KCNIP4: variants seen among roughly 807,000 people sequenced by gnomAD.
The protein encoded by KCNIP4 is Kv channel-interacting protein 4.
In KCNIP4, 12 loss-of-function variants were observed where a neutral mutation model predicts 34.0. The observed-to-expected ratio is 0.35, with a 90% confidence interval of 0.23 to 0.57. The LOEUF (loss-of-function observed/expected upper bound fraction) is 0.57, where lower values mean the gene tolerates loss of function less well. Ranked by LOEUF, KCNIP4 falls within the 20% of genes least tolerant of loss-of-function variation. The pLI is 0.83. For synonymous variants in KCNIP4, 124 were observed against 102.2 expected (o/e 1.21, Z -1.29); for missense variants, 238 against 311.7 (o/e 0.76, Z 1.78).
chr4:21,179,964 T>C (rs10019695), intron 1 of KCNIP4, among the ~76,000 whole-genome samples: 20,972 of 152,114 alleles, frequency 0.14, 2,249 homozygotes, highest in African/African-American at 0.3. Flanking sequence ...TCATGGGTCA[T>C]GCACTGAGCA....
intron 1 of KCNIP4, among the ~76,000 whole-genome samples, chr4:21,304,295 A>T (rs1424038259): frequency 6.6e-6 from 1 of 152,196 alleles, no homozygotes; most frequent in Non-Finnish European, 1.5e-5. Flanking sequence ...ACTCTTGCAC[A>T]GAGAGACAGC....
intron 1 of KCNIP4, among the ~76,000 whole-genome samples, chr4:21,122,666 A>G (rs1750265110): frequency 6.6e-6 from 1 of 152,136 alleles, no homozygotes; most frequent in South Asian, 2.1e-4. Context: ...TAAACCTGGT[A>G]TTCAAACAAA....
At chr4:21,576,038 A>G (rs981951852) in intron 1 of KCNIP4, among the ~76,000 whole-genome samples, 1 of 152,186 alleles carries the variant, frequency 6.6e-6, no homozygotes, top group African/African-American at 2.4e-5. Context: ...AAAATAAACT[A>G]TTTGGTTAAA....
intron 1 of KCNIP4, among the ~76,000 whole-genome samples, chr4:21,044,870 T>G (rs2149784350): frequency 6.6e-6 from 1 of 152,234 alleles, no homozygotes; most frequent in East Asian, 1.9e-4. Flanking sequence ...AGCTAGAGAT[T>G]AGGTTGGGGG....
At chr4:20,993,224 T>C (rs986268490) in intron 1 of KCNIP4, among the ~76,000 whole-genome samples, 1 of 151,882 alleles carries the variant, frequency 6.6e-6, no homozygotes, top group African/African-American at 2.4e-5. Context: ...TGCAACAGGG[T>C]ATGAAGATGT....
intron 1 of KCNIP4, among the ~76,000 whole-genome samples, chr4:21,064,343 C>T (rs748997307): frequency 5.9e-5 from 9 of 151,396 alleles, no homozygotes; most frequent in Non-Finnish European, 1.0e-4. Flanking sequence ...AAAGGGAATG[C>T]TTTATGATTA....
chr4:21,887,923 A>G (rs1726874171), intron 1 of KCNIP4, among the ~76,000 whole-genome samples: 1 of 152,316 alleles, frequency 6.6e-6, no homozygotes, highest in East Asian at 1.9e-4. Context: ...ATGAGGAAAA[A>G]GAAACTTCTG....
intron 1 of KCNIP4, among the ~76,000 whole-genome samples, chr4:21,751,448 G>T (rs1298666713): frequency 6.6e-6 from 1 of 152,080 alleles, no homozygotes; most frequent in East Asian, 1.9e-4. Context: ...TCAAGAATCT[G>T]CAGGAGAAAA....
At chr4:20,885,003 A>G (rs767259372) in intron 1 of KCNIP4, among the ~76,000 whole-genome samples, 1 of 152,006 alleles carries the variant, frequency 6.6e-6, no homozygotes, top group African/African-American at 2.4e-5. Context: ...GCCCAGCCCC[A>G]TGAGGCTTTT....
chr4:21,152,753 C>T (rs1752849543), intron 1 of KCNIP4, among the ~76,000 whole-genome samples: 1 of 152,148 alleles, frequency 6.6e-6, no homozygotes, highest in South Asian at 2.1e-4. Flanking sequence ...TTATTATCAC[C>T]TGAGCTCCGC....
intron 1 of KCNIP4, among the ~76,000 whole-genome samples, chr4:21,793,695 A>G (rs945407657): frequency 6.6e-6 from 1 of 152,264 alleles, no homozygotes; most frequent in Non-Finnish European, 1.5e-5. Flanking sequence ...ATTCCATTTA[A>G]TCATACAAAA....
chr4:21,025,301 C>A (rs922288167), intron 1 of KCNIP4, among the ~76,000 whole-genome samples: 1 of 152,014 alleles, frequency 6.6e-6, no homozygotes, highest in Non-Finnish European at 1.5e-5. Context: ...AGGAGATGAA[C>A]CATACTGAGT....
intron 1 of KCNIP4, among the ~76,000 whole-genome samples, chr4:21,685,823 C>A (rs1750764158): frequency 1.3e-5 from 2 of 152,170 alleles, no homozygotes; most frequent in Non-Finnish European, 1.5e-5. Context: ...AGTTTCTCAA[C>A]CTTCTAAGTT....
chr4:21,335,995 A>G (rs1716140941), intron 1 of KCNIP4, among the ~76,000 whole-genome samples: 1 of 152,012 alleles, frequency 6.6e-6, no homozygotes, highest in Admixed American at 6.6e-5. Flanking sequence ...CCTCACACAT[A>G]TATTTATATT....
chr4:21,673,029 G>T (rs1056994174), intron 1 of KCNIP4, among the ~76,000 whole-genome samples: 4 of 152,176 alleles, frequency 2.6e-5, no homozygotes, highest in Non-Finnish European at 4.4e-5. Flanking sequence ...AAAGCAACCA[G>T]AATAAATACT....
chr4:21,484,610 G>T (rs1459214393), intron 1 of KCNIP4, among the ~76,000 whole-genome samples: 3 of 152,012 alleles, frequency 2.0e-5, no homozygotes. Flanking sequence ...TTGGTCGGGG[G>T]TCATTCCCGC....
At chr4:21,215,652 T>C (rs372180156) in intron 1 of KCNIP4, among the ~76,000 whole-genome samples, 7 of 152,234 alleles carry the variant, frequency 4.6e-5, no homozygotes, top group Middle Eastern at 6.8e-3. Context: ...GCCTGGCACA[T>C]CTTACAGGAT....
At chr4:21,648,063 T>C (rs1747167240) in intron 1 of KCNIP4, among the ~76,000 whole-genome samples, 2 of 151,438 alleles carry the variant, frequency 1.3e-5, no homozygotes, top group South Asian at 2.1e-4. Context: ...TTAGTGGAGA[T>C]GGGGTTTCAC....
At chr4:20,782,185 G>A (rs1395451848) in intron 3 of KCNIP4, among the ~76,000 whole-genome samples, 12 of 152,130 alleles carry the variant, frequency 7.9e-5, no homozygotes, top group Admixed American at 7.8e-4. Context: ...GCTTTGCAGG[G>A]TACAGCCTCT....
Sources: allele counts gnomAD v4.1 joint callset (sites outside exome capture counted in the v4.1 genomes callset), GRCh38; gene constraint gnomAD v4.1.1; transcripts MANE v1.5; gene names NCBI Gene and HGNC (gene_info 2026-07-23, HGNC 2026-07-21).